Variants in SYT1 observed in about 807,000 individuals in gnomAD.
SYT1 encodes the protein synaptotagmin-1.
Under a neutral mutation model 44.8 loss-of-function variants are expected in SYT1, and 8 were observed. The ratio of observed to expected loss-of-function variants is 0.18; its 90% CI spans 0.10 to 0.32. The LOEUF is 0.32. SYT1 is among the 10% of genes least tolerant of loss of function. The pLI is 1.00. For missense variants in SYT1, 286 were observed against 509.3 expected, an observed-to-expected ratio of 0.56 and a Z score of 4.22; for synonymous variants, 154 against 188.8, an observed-to-expected ratio of 0.82 and a Z score of 1.51.
At chr12:78,887,472 A>C (rs1410442002) in intron 1 of SYT1, among the ~76,000 whole-genome samples, 3 of 151,994 alleles carry the variant, frequency 2.0e-5, no homozygotes, top group African/African-American at 7.2e-5. Context: ...AAAGAATCAT[A>C]TGCTGAGATC....
At chr12:79,354,662 A>G (rs1883041631) in intron 9 of SYT1, among the ~76,000 whole-genome samples, 1 of 152,166 alleles carries the variant, frequency 6.6e-6, no homozygotes, top group Admixed American at 6.5e-5. Flanking sequence ...TTAAGACCCT[A>G]TTTAATAACT....
At chr12:79,229,425 T>C (rs2138610496) in intron 4 of SYT1, among the ~76,000 whole-genome samples, 1 of 152,310 alleles carries the variant, frequency 6.6e-6, no homozygotes, top group South Asian at 2.1e-4. Flanking sequence ...TATAAGGTCT[T>C]ATTTTATTTC....
intron 3 of SYT1, among the ~76,000 whole-genome samples, chr12:79,079,395 A>G (rs1876876455): frequency 6.6e-6 from 1 of 152,178 alleles, no homozygotes; most frequent in South Asian, 2.1e-4. Context: ...GAACTTTATA[A>G]GAAGATTGAC....
At chr12:78,987,025 G>T (rs925385290) in intron 2 of SYT1, among the ~76,000 whole-genome samples, 13 of 151,876 alleles carry the variant, frequency 8.6e-5, no homozygotes, top group African/African-American at 3.1e-4. Context: ...TCCAATAAAG[G>T]GCTTATATCT....
intron 1 of SYT1, among the ~76,000 whole-genome samples, chr12:78,904,970 A>T (rs904396750): frequency 1.3e-5 from 2 of 152,142 alleles, no homozygotes; most frequent in South Asian, 4.1e-4. Context: ...TTATCATTGT[A>T]TTTAATCATC....
At chr12:79,280,586 C>A (rs1878992709) in intron 4 of SYT1, among the ~76,000 whole-genome samples, 1 of 151,892 alleles carries the variant, frequency 6.6e-6, no homozygotes, top group African/African-American at 2.4e-5. Flanking sequence ...CTCTTCTCAA[C>A]ATTGGTGTAG....
intron 4 of SYT1, among the ~76,000 whole-genome samples, chr12:79,246,570 A>G (rs770057826): frequency 6.6e-6 from 1 of 152,188 alleles, no homozygotes; most frequent in Middle Eastern, 3.2e-3. Context: ...CCTTGCTTCT[A>G]AGATGGTGCC....
chr12:79,238,904 G>A (rs1876343220), intron 4 of SYT1, among the ~76,000 whole-genome samples: 1 of 152,146 alleles, frequency 6.6e-6, no homozygotes, highest in South Asian at 2.1e-4. Flanking sequence ...ACAAATTTGC[G>A]ATATTTCCCC....
At position 79,194,572 on chromosome 12, in the gene SYT1, C is replaced by T. The variant is rs144296922; in HGVS notation, c.-17-22931C>T. On this transcript the variant is annotated intron_variant, in intron 3 of 10. Transcript: ENST00000261205. ...GACCTCCCAAAATTAGAATTACAGA[C>T]ATGAAAGGATTTTTATTTTTAATGA... Among the ~76,000 whole-genome samples the T allele has an allele frequency of 5.4e-3, 814 of 152,082 alleles. 8 individuals are homozygous for T. Among genetic ancestry groups the T allele is most frequent in the African/African-American group, 0.019 (770 of 41,488 alleles).
intron 8 of SYT1, among the ~76,000 whole-genome samples, chr12:79,308,591 G>GAA (rs377566583): frequency 4.3e-4 from 48 of 110,498 alleles, no homozygotes; most frequent in African/African-American, 1.5e-3. Context: ...GGAAAAGAAA[G>GAA]AAGAAAGAAA....
chr12:78,999,005 G>A (rs531462097), intron 2 of SYT1, among the ~76,000 whole-genome samples: 33 of 152,216 alleles, frequency 2.2e-4, no homozygotes, highest in Non-Finnish European at 4.0e-4. Context: ...AAAAGGTCTC[G>A]TTTGTAGATA....
chr12:79,438,666 A>G (rs1173521244), intron 9 of SYT1, among the ~76,000 whole-genome samples: 1 of 152,066 alleles, frequency 6.6e-6, no homozygotes, highest in Non-Finnish European at 1.5e-5. Context: ...AAACCAGTCA[A>G]ACAAGGTCTA....
chr12:78,965,357 A>G (rs987322824), intron 1 of SYT1, among the ~76,000 whole-genome samples: 5 of 152,204 alleles, frequency 3.3e-5, no homozygotes. Flanking sequence ...AATAATACTA[A>G]GCAAGTGATG....
intron 2 of SYT1, among the ~76,000 whole-genome samples, chr12:79,007,254 C>G (rs964768582): frequency 1.3e-5 from 2 of 152,124 alleles, no homozygotes; most frequent in Non-Finnish European, 2.9e-5. Flanking sequence ...CAAGTCCCTC[C>G]TCCTCTGTGA....
chr12:79,169,677 G>C (rs1871398239), intron 3 of SYT1, among the ~76,000 whole-genome samples: 3 of 152,040 alleles, frequency 2.0e-5, no homozygotes, highest in Non-Finnish European at 2.9e-5. Context: ...CTTCTGAGAA[G>C]GAGAGAGGTA....
chr12:79,202,834 G>T (rs1043962053), intron 3 of SYT1, among the ~76,000 whole-genome samples: 1 of 152,086 alleles, frequency 6.6e-6, no homozygotes, highest in African/African-American at 2.4e-5. Flanking sequence ...TAAACCAATC[G>T]CAAAACTAAT....
intron 2 of SYT1, among the ~76,000 whole-genome samples, chr12:79,000,487 C>T (rs149936282): frequency 1.3e-4 from 20 of 151,952 alleles, no homozygotes; most frequent in South Asian, 4.2e-4. Context: ...TTAGTAGAGA[C>T]GGGGTTTCAC....
intron 2 of SYT1, among the ~76,000 whole-genome samples, chr12:79,033,016 C>T (rs940518650): frequency 1.3e-5 from 2 of 151,260 alleles, no homozygotes; most frequent in East Asian, 1.9e-4. Context: ...TAATCTGCCT[C>T]GAGTTGTACC....
intron 3 of SYT1, among the ~76,000 whole-genome samples, chr12:79,153,972 A>C (rs535208571): frequency 6.6e-6 from 1 of 152,260 alleles, no homozygotes; most frequent in Admixed American, 6.5e-5. Context: ...AAGAACTATG[A>C]AAACCAAGCA....
Sources: allele counts gnomAD v4.1 joint callset (sites outside exome capture counted in the v4.1 genomes callset), GRCh38; gene constraint gnomAD v4.1.1; transcripts MANE v1.5; gene names NCBI Gene and HGNC (gene_info 2026-07-23, HGNC 2026-07-21).